The following ZC3H3 variants were observed in gnomAD, a reference collection of about 807,000 sequenced individuals.
ZC3H3 encodes zinc finger CCCH domain-containing protein 3.
Under a neutral mutation model 77.3 loss-of-function variants are expected in ZC3H3, and 36 were observed. The ratio of observed to expected loss-of-function variants is 0.47; its 90% CI spans 0.36 to 0.61. The LOEUF (loss-of-function observed/expected upper bound fraction) is 0.61. Ranked by LOEUF, ZC3H3 falls within the 20% of genes least tolerant of loss-of-function variation. ZC3H3 has a pLI of 0.00. For synonymous variants in ZC3H3, 626 were observed against 555.2 expected, an observed-to-expected ratio of 1.13 and a Z score of -1.79; for missense variants, 1,331 against 1,312.2, an observed-to-expected ratio of 1.01 and a Z score of -0.22.
chr8:143,452,816 G>C (rs533407949), intron 9 of ZC3H3, among the ~76,000 whole-genome samples: 1 of 152,146 alleles, frequency 6.6e-6, no homozygotes, highest in African/African-American at 2.4e-5. Flanking sequence ...CAGAGCCTTC[G>C]GGACCTTGGG....
chr8:143,522,373 C>A (rs1822275195), intron 3 of ZC3H3, among the ~76,000 whole-genome samples: 1 of 149,314 alleles, frequency 6.7e-6, no homozygotes, highest in African/African-American at 2.5e-5. Context: ...GAGGCCAAGG[C>A]CGGAGGATTA....
chr8:143,461,631 C>T (rs433314), intron 9 of ZC3H3, among the ~76,000 whole-genome samples: 151,266 of 152,220 alleles, frequency 0.99, 75,157 homozygotes, highest in East Asian at 1. Context: ...GTGTGGAGAG[C>T]CTCTGCAGCG....
At chr8:143,499,330 T>A (rs1279307238) in intron 4 of ZC3H3, among the ~76,000 whole-genome samples, 2 of 152,032 alleles carry the variant, frequency 1.3e-5, no homozygotes, top group Admixed American at 6.5e-5. Flanking sequence ...CAGAGCATGG[T>A]GGGAGCCGGG....
chr8:143,531,772 T>A (rs1822616175), intron 3 of ZC3H3, among the ~76,000 whole-genome samples: 1 of 152,224 alleles, frequency 6.6e-6, no homozygotes, highest in Non-Finnish European at 1.5e-5. Flanking sequence ...TATACTCTGT[T>A]CTTGGTGATC....
In ZC3H3 at chr8:143,533,685, CTT is replaced by C. The variant is rs1244995181; in HGVS notation, c.1561+2570_1561+2571del. 2.9e-4 allele frequency among the ~76,000 whole-genome samples: 37 copies of C among 128,700 alleles called. No homozygotes were observed. Among genetic ancestry groups the C allele is most frequent in the Admixed American group, 4.8e-4 (6 of 12,454 alleles). The allele number at this position is 128,700 out of a possible 152,430, so 84.4% of individuals were successfully genotyped here. On this transcript the variant is annotated intron_variant, in intron 3 of 11. Transcript: ENST00000262577. The surrounding 1 kb of genome is among the most constrained non-coding windows in gnomAD (Gnocchi z 4.0). ...CACTCCATGCAGCCGCCACGCTGGTCTTTTTTTTTTTTTTTTTTTGAGACAAA... is the reference window on the plus strand; with the variant it reads ...CACTCCATGCAGCCGCCACGCTGGTCTTTTTTTTTTTTTTTTTGAGACAAA...
chr8:143,484,753 T>C (rs1821004745), intron 4 of ZC3H3: 2 of 342,284 alleles, frequency 5.8e-6, no homozygotes, highest in East Asian at 8.9e-5. Context: ...AGGGGCAGGC[T>C]GGCCAGGAAT....
At chr8:143,520,162 G>A (rs1421008640) in intron 3 of ZC3H3, among the ~76,000 whole-genome samples, 1 of 152,208 alleles carries the variant, frequency 6.6e-6, no homozygotes, top group Non-Finnish European at 1.5e-5. Flanking sequence ...TGCATGGCCA[G>A]CATCATGAAA....
intron 9 of ZC3H3, among the ~76,000 whole-genome samples, chr8:143,445,534 A>G (rs956319046): frequency 5.3e-5 from 8 of 152,126 alleles, no homozygotes; most frequent in African/African-American, 1.9e-4. Flanking sequence ...AAGATTAAAA[A>G]AAAACAAAAT....
intron 9 of ZC3H3, among the ~76,000 whole-genome samples, chr8:143,449,605 G>A (rs569285274): frequency 6.6e-6 from 1 of 152,278 alleles, no homozygotes; most frequent in Non-Finnish European, 1.5e-5. Flanking sequence ...GGGTGTGGTG[G>A]TACATGCCTG....
chr8:143,458,316 G>A (rs141124663), intron 9 of ZC3H3, among the ~76,000 whole-genome samples: 1 of 152,384 alleles, frequency 6.6e-6, no homozygotes, highest in East Asian at 1.9e-4. Context: ...ACAGCGAGGA[G>A]ACTGAGTCAG....
At chr8:143,487,641 C>G (rs1466455149) in intron 4 of ZC3H3, among the ~76,000 whole-genome samples, 1 of 44,904 alleles carries the variant, frequency 2.2e-5, no homozygotes, top group Non-Finnish European at 4.6e-5. Flanking sequence ...CCCACCACCA[C>G]GAAGCTCACA....
chr8:143,539,839 T>G (rs1349111241), intron 1 of ZC3H3, among the ~76,000 whole-genome samples: 2 of 152,256 alleles, frequency 1.3e-5, no homozygotes, highest in African/African-American at 4.8e-5. Flanking sequence ...GCCATTGCTC[T>G]GCCAGATTCA....
chr8:143,524,147 G>A (rs1822338134), intron 3 of ZC3H3, among the ~76,000 whole-genome samples: 1 of 152,372 alleles, frequency 6.6e-6, no homozygotes, highest in African/African-American at 2.4e-5. Context: ...CCCCTGCAGT[G>A]CCCACAGCCT....
At chr8:143,499,277 C>T (rs1276380539) in intron 4 of ZC3H3, among the ~76,000 whole-genome samples, 2 of 152,118 alleles carry the variant, frequency 1.3e-5, no homozygotes, top group Non-Finnish European at 2.9e-5. Context: ...GATGAGGGGG[C>T]CTGGAGGTTG....
At position 143,460,568 on chromosome 8, in the gene ZC3H3, C is replaced by T. The variant is rs910202560; in HGVS notation, c.2307+5149G>A. Among the ~76,000 whole-genome samples the T allele has an allele frequency of 6.6e-6, 1 of 152,130 alleles. No individual in the cohort carries two copies. Among genetic ancestry groups the T allele is most frequent in the Non-Finnish European group, 1.5e-5 (1 of 68,032 alleles). ...CAGCAATTCCACTCCTCAATATACA[C>T]CCAAAGGAAGTGAAAGCGGGGCTCA... On this transcript the variant is annotated intron_variant, in intron 9 of 11. Transcript: ENST00000262577. This position sits in a 1 kb window ranked among gnomAD's most constrained non-coding sequence, Gnocchi z 4.0.
chr8:143,447,589 G>A (rs1309516300), intron 9 of ZC3H3, among the ~76,000 whole-genome samples: 1 of 152,166 alleles, frequency 6.6e-6, no homozygotes. Context: ...ACTGGGCAAT[G>A]TATAAAGAAA....
At chr8:143,441,145 G>A in intron 9 of ZC3H3, 25 bp from the exon 10 acceptor site, 1 of 1,386,518 alleles carries the variant, frequency 7.2e-7, no homozygotes, top group Non-Finnish European at 9.3e-7. Flanking sequence ...GGTGCAGGTG[G>A]GTGGGCCGGC....
In ZC3H3 at chr8:143,534,902, C is replaced by T. The variant is rs547959770; in HGVS notation, c.1561+1355G>A. Among the ~76,000 whole-genome samples the T allele has an allele frequency of 5.9e-5, 9 of 152,182 alleles. No homozygotes were observed. The East Asian group carries it at 9.7e-4, about 16-fold the overall frequency. ...TCCCACCCCACTGTGCTGCAACACC[C>T]GGCTGCATCGCCCCATTCAGCCCTC... On this transcript the variant is annotated intron_variant, in intron 3 of 11. Transcript: ENST00000262577.
chr8:143,457,315 C>T (rs888711533), intron 9 of ZC3H3, among the ~76,000 whole-genome samples: 3 of 152,178 alleles, frequency 2.0e-5, no homozygotes, highest in Non-Finnish European at 4.4e-5. Flanking sequence ...AACTAAATAA[C>T]ACACTTCTGA....
Sources: allele counts gnomAD v4.1 joint callset (sites outside exome capture counted in the v4.1 genomes callset), GRCh38; gene constraint gnomAD v4.1.1; non-coding constraint Gnocchi (gnomAD v3.1); transcripts MANE v1.5; gene names NCBI Gene and HGNC (gene_info 2026-07-23, HGNC 2026-07-21).